Variants in GRIA1 observed in about 807,000 individuals in gnomAD.
GRIA1 encodes glutamate ionotropic receptor AMPA type subunit 1, also known as glutamate receptor 1.
In GRIA1, 31 loss-of-function variants were observed where a neutral mutation model predicts 99.2. The ratio of observed to expected loss-of-function variants is 0.31; its 90% CI spans 0.23 to 0.42. GRIA1 has a LOEUF of 0.42. GRIA1 is among the 10% of genes least tolerant of loss of function. GRIA1 has a pLI of 1.00. For synonymous variants in GRIA1, 438 were observed against 432.4 expected (o/e 1.01, Z -0.16); for missense variants, 782 against 1,157.5 (o/e 0.68, Z 4.71).
At chr5:153,498,503 A>G (rs556920727) in intron 2 of GRIA1, among the ~76,000 whole-genome samples, 1 of 152,266 alleles carries the variant, frequency 6.6e-6, no homozygotes, top group East Asian at 1.9e-4. Flanking sequence ...CTCAATGACA[A>G]TAGGTGAAAG....
At chr5:153,543,064 T>C (rs1376636808) in intron 2 of GRIA1, among the ~76,000 whole-genome samples, 5 of 152,206 alleles carry the variant, frequency 3.3e-5, no homozygotes, top group African/African-American at 9.6e-5. Context: ...CTAGTAAATG[T>C]TTTGCCTTTT....
chr5:153,586,269 AG>A (rs1763476264), intron 2 of GRIA1, among the ~76,000 whole-genome samples: 1 of 152,252 alleles, frequency 6.6e-6, no homozygotes, highest in Non-Finnish European at 1.5e-5. Context: ...CATCTGGAAC[AG>A]GGCCAAGAAT....
intron 8 of GRIA1, among the ~76,000 whole-genome samples, 164 bp downstream of exon 8, chr5:153,686,493 G>T (rs563834006): frequency 6.6e-6 from 1 of 152,256 alleles, no homozygotes; most frequent in Admixed American, 6.5e-5. Context: ...CTGGGACATT[G>T]GGCAAGTCTC....
intron 11 of GRIA1, among the ~76,000 whole-genome samples, chr5:153,727,650 A>T (rs1760664082): frequency 6.6e-6 from 1 of 152,216 alleles, no homozygotes; most frequent in Non-Finnish European, 1.5e-5. Flanking sequence ...CTTCAAAGAG[A>T]ATAAAATACC....
At chr5:153,603,798 T>A (rs370836018) in intron 2 of GRIA1, among the ~76,000 whole-genome samples, 7 of 152,302 alleles carry the variant, frequency 4.6e-5, no homozygotes, top group African/African-American at 1.4e-4. Context: ...TTCTTGGGCA[T>A]GGGACCTAAT....
chr5:153,742,495 C>T (rs1356730091), intron 11 of GRIA1, among the ~76,000 whole-genome samples: 1 of 152,146 alleles, frequency 6.6e-6, no homozygotes, highest in Non-Finnish European at 1.5e-5. Flanking sequence ...ATGGGCTTTG[C>T]AGGGCTAAAA....
At chr5:153,555,152 C>T (rs4997014) in intron 2 of GRIA1, among the ~76,000 whole-genome samples, 70,114 of 151,152 alleles carry the variant, frequency 0.46, 18,011 homozygotes, top group Non-Finnish European at 0.59. Flanking sequence ...GAGTAAACAC[C>T]TTTTTTATAG....
intron 7 of GRIA1, among the ~76,000 whole-genome samples, chr5:153,682,763 A>G (rs1353799833): frequency 2.6e-5 from 4 of 152,210 alleles, no homozygotes. Flanking sequence ...GACCCATTGC[A>G]GGGGTCTCTA....
chr5:153,566,716 C>CTTTTTTTTTTTTTT (rs56127811), intron 2 of GRIA1, among the ~76,000 whole-genome samples: 3 of 116,548 alleles, frequency 2.6e-5, no homozygotes, highest in African/African-American at 9.7e-5. Flanking sequence ...CAAATATTGT[C>CTTTTTTTTTTTTTT]TTTTTTTTTT....
chr5:153,764,079 G>C (rs1489991891), intron 11 of GRIA1, among the ~76,000 whole-genome samples: 1 of 152,220 alleles, frequency 6.6e-6, no homozygotes, highest in Non-Finnish European at 1.5e-5. Context: ...AACATTTGCT[G>C]TGTATGTAAT....
chr5:153,758,892 CTT>C (rs1476939847), intron 11 of GRIA1, among the ~76,000 whole-genome samples: 1 of 151,860 alleles, frequency 6.6e-6, no homozygotes, highest in African/African-American at 2.4e-5. Context: ...TGTTAAGTAT[CTT>C]TTATAACCAC....
intron 4 of GRIA1, among the ~76,000 whole-genome samples, chr5:153,650,983 G>T (rs1754532785): frequency 6.6e-6 from 1 of 151,744 alleles, no homozygotes; most frequent in South Asian, 2.1e-4. Context: ...AGACAGTGAG[G>T]CAGGAGAATC....
chr5:153,614,594 C>A (rs1766304240), intron 2 of GRIA1, among the ~76,000 whole-genome samples: 2 of 152,176 alleles, frequency 1.3e-5, no homozygotes, highest in African/African-American at 2.4e-5. Context: ...AAAACCTGAA[C>A]CCACAACCAG....
intron 2 of GRIA1, among the ~76,000 whole-genome samples, chr5:153,601,824 ATTATAGAG>A (rs900826169): frequency 8.5e-5 from 13 of 152,208 alleles, no homozygotes; most frequent in Non-Finnish European, 1.5e-4. Flanking sequence ...GCTGTACAGA[ATTATAGAG>A]TTCACAACTT....
chr5:153,796,304 G>A (rs191135795), intron 14 of GRIA1, among the ~76,000 whole-genome samples: 35 of 152,128 alleles, frequency 2.3e-4, no homozygotes, highest in East Asian at 1.9e-3. Context: ...CACCTGTGTC[G>A]TTATTTGCTT....
intron 2 of GRIA1, among the ~76,000 whole-genome samples, chr5:153,512,074 A>G (rs1756135093): frequency 6.6e-6 from 1 of 152,210 alleles, no homozygotes; most frequent in South Asian, 2.1e-4. Context: ...GTCAATGTCA[A>G]AAATACGAAA....
At chr5:153,768,980 TCATGGGCCCTGACTAAGGGCCTAC>T (rs1352308182) in intron 12 of GRIA1, among the ~76,000 whole-genome samples, 1 of 152,168 alleles carries the variant, frequency 6.6e-6, no homozygotes, top group Non-Finnish European at 1.5e-5. Flanking sequence ...TGGTCCTGGA[TCATGGGCCCTGACTAAGGGCCTAC>T]CATGTGCAAG....
At chr5:153,659,487 GC>G (rs1389021439) in intron 5 of GRIA1, among the ~76,000 whole-genome samples, 3 of 152,138 alleles carry the variant, frequency 2.0e-5, no homozygotes, top group Admixed American at 2.0e-4. Context: ...TTCACTCCCT[GC>G]TCTGAGACTG....
chr5:153,654,267 A>G (rs1417080343), intron 4 of GRIA1, among the ~76,000 whole-genome samples: 1 of 152,186 alleles, frequency 6.6e-6, no homozygotes, highest in Non-Finnish European at 1.5e-5. Flanking sequence ...GAAGGTTGGT[A>G]TCAGGTTGGA....
Sources: allele counts gnomAD v4.1 joint callset (sites outside exome capture counted in the v4.1 genomes callset), GRCh38; gene constraint gnomAD v4.1.1; transcripts MANE v1.5; gene names NCBI Gene and HGNC (gene_info 2026-07-23, HGNC 2026-07-21).